The following DNAJC10 variants were observed in gnomAD, a reference collection of about 807,000 sequenced individuals.
DNAJC10 encodes DnaJ heat shock protein family (Hsp40) member C10.
A neutral mutation model predicts 115.0 loss-of-function variants in DNAJC10; 101 were observed. That is an observed-to-expected ratio of 0.88 (90% CI 0.75 to 1.04). The LOEUF is 1.04. Among genes scored for constraint, DNAJC10 ranks in the 50% least tolerant of loss-of-function variants. DNAJC10 has a pLI of 0.00. For missense variants in DNAJC10, 981 were observed against 928.8 expected, an observed-to-expected ratio of 1.06 and a Z score of -0.73; for synonymous variants, 307 against 301.5, an observed-to-expected ratio of 1.02 and a Z score of -0.19.
At chr2:182,748,245 A>T (rs1693921812) in intron 14 of DNAJC10, among the ~76,000 whole-genome samples, 1 of 151,718 alleles carries the variant, frequency 6.6e-6, no homozygotes, top group African/African-American at 2.4e-5. Context: ...CTGGCCTCAT[A>T]AAATGAGTTA....
At chr2:182,756,245 A>C in intron 17 of DNAJC10, 69 bp from the exon 18 acceptor site, 2 of 1,315,452 alleles carry the variant, frequency 1.5e-6, no homozygotes, top group Non-Finnish European at 2.0e-6. Context: ...CTGTACCAAC[A>C]ATTTGCCAGG....
intron 3 of DNAJC10, among the ~76,000 whole-genome samples, chr2:182,719,075 A>AT (rs899463001): frequency 1.5e-4 from 22 of 150,346 alleles, no homozygotes; most frequent in East Asian, 3.9e-4. Flanking sequence ...TAAGGTTTTT[A>AT]TTTTTTTTTA....
At chr2:182,751,947 T>G (rs1694031875) in intron 15 of DNAJC10, 125 bp from the exon 16 acceptor site, 2 of 1,187,528 alleles carry the variant, frequency 1.7e-6, no homozygotes, top group Non-Finnish European at 2.4e-6. Context: ...ATGTAATTAC[T>G]CCTCCAGGGA....
rs951649553 is a variant in DNAJC10, at chr2:182,780,361, C to G, written c.*3229C>G. ...GCTGGTTGTTAAAAGGAACTTGGCA[C>G]CACCACCTCCTCTCTTTCTCGCTCC... On this transcript the variant is annotated 3_prime_UTR_variant, in exon 24 of 24. Transcript: ENST00000264065. 12 of 152,246 alleles carry G rather than the reference C, an allele frequency of 7.9e-5. No homozygotes were observed. The East Asian group carries it at 1.7e-3, about 22-fold the overall frequency. The allele number at this position is 152,246 out of a possible 1,614,324, so 9.4% of individuals were successfully genotyped here.
intron 21 of DNAJC10, among the ~76,000 whole-genome samples, chr2:182,762,188 A>C (rs1339539274): frequency 6.6e-6 from 1 of 151,514 alleles, no homozygotes; most frequent in East Asian, 1.9e-4. Context: ...GAGCGTGAGA[A>C]GCACTATGAC....
chr2:182,724,298 A>G (rs1274410368), intron 5 of DNAJC10, among the ~76,000 whole-genome samples: 7 of 152,178 alleles, frequency 4.6e-5, no homozygotes, highest in Admixed American at 3.9e-4. Context: ...TATCTAGCCA[A>G]TAGTGCAGTT....
In DNAJC10 at chr2:182,794,410, G is replaced by T. The variant is rs1318512236; in HGVS notation, c.*17278G>T. 1.3e-5 allele frequency: 2 copies of T among 152,164 alleles called. No homozygotes were observed. Among genetic ancestry groups the T allele is most frequent in the African/African-American group, 4.8e-5 (2 of 41,422 alleles). The allele number at this position is 152,164 out of a possible 1,614,324, so 9.4% of individuals were successfully genotyped here. ...ATTCTACTGTTTGTCTTTGCAGTGA[G>T]CTATGTTTTTTTATAACATGTAGAA... On this transcript the variant is annotated 3_prime_UTR_variant, in exon 24 of 24. Coordinates refer to ENST00000264065, the MANE Select transcript of DNAJC10 (RefSeq NM_018981.4).
chr2:182,751,966 C>G (rs1479598411), intron 15 of DNAJC10, 106 bp from the exon 16 acceptor site: 1 of 1,204,480 alleles, frequency 8.3e-7, no homozygotes, highest in Non-Finnish European at 1.2e-6. Flanking sequence ...GAAGGTTTGC[C>G]GCTAAGTACA....
At chr2:182,775,005 A>G (rs929384971) in intron 22 of DNAJC10, among the ~76,000 whole-genome samples, 2 of 151,672 alleles carry the variant, frequency 1.3e-5, no homozygotes, top group Admixed American at 6.6e-5. Flanking sequence ...TGCCCTCTCA[A>G]ACTTTATCCA....
At position 182,771,937 on chromosome 2, in the gene DNAJC10, C is replaced by T. The variant is rs1294697704; in HGVS notation, c.2266-3379C>T. Among the ~76,000 whole-genome samples the T allele has an allele frequency of 5.3e-5, 8 of 152,120 alleles. No homozygotes were observed. In the South Asian group the frequency reaches 1.7e-3, roughly 31 times the overall value. On this transcript the variant is annotated intron_variant, in intron 22 of 23. Coordinates refer to ENST00000264065, the MANE Select transcript of DNAJC10 (RefSeq NM_018981.4). ...AGGGTGTCAATTTTAGATCTTTCCT[C>T]ATTTCTCCTGTGGGCATTTAGTGCT...
chr2:182,719,250 C>CTTTTTTTTTTTTT (rs57284693), intron 3 of DNAJC10, among the ~76,000 whole-genome samples: 4 of 83,684 alleles, frequency 4.8e-5, no homozygotes, highest in Middle Eastern at 0.01. Context: ...GGATTGTTTT[C>CTTTTTTTTTTTTT]TTTTTTTTTT....
At chr2:182,771,686 T>A (rs1694567168) in intron 22 of DNAJC10, among the ~76,000 whole-genome samples, 1 of 152,200 alleles carries the variant, frequency 6.6e-6, no homozygotes, top group African/African-American at 2.4e-5. Flanking sequence ...CCCTTTATCA[T>A]TTTTTATTGC....
chr2:182,738,417 G>A (rs1693640251), intron 11 of DNAJC10, among the ~76,000 whole-genome samples: 1 of 152,150 alleles, frequency 6.6e-6, no homozygotes, highest in Admixed American at 6.5e-5. Context: ...TGGGCTTCAT[G>A]ATAGAAAATT....
rs1490972638 is a variant in DNAJC10 at position 182,720,026 on chromosome 2, G to A, written c.224G>A (p.Gly75Asp). 5.8e-6 allele frequency: 9 copies of A among 1,561,416 alleles called. No individual in the cohort carries two copies. The highest frequency in any genetic ancestry group is 1.4e-5 in the African/African-American group (1 of 73,474). Residue 75 changes from glycine (G) to aspartate (D), a missense_variant, in exon 4 of 24, where the codon GGC becomes GAC. Physicochemically the swap from Gly to Asp is moderately conservative, Grantham distance 94 (BLOSUM62 -1). Coordinates refer to ENST00000264065, the MANE Select transcript of DNAJC10 (RefSeq NM_018981.4). ...TAACAGAATAACCCAAATGCACATGGCGATTTTTTAAAAATAAATAGAGCA... is the reference window on the plus strand; with the variant it reads ...TAACAGAATAACCCAAATGCACATGACGATTTTTTAAAAATAAATAGAGCA... ...DKNPNNPNAHGDFLKINRAYE... is the reference protein window; with the variant it reads ...DKNPNNPNAHDDFLKINRAYE...
rs1326584513 is a variant in DNAJC10 at position 182,757,702 on chromosome 2, G to T, written c.1820G>T (p.Gly607Val). Residue 607 changes from glycine to valine, a missense_variant, in exon 19 of 24, where the codon GGA (glycine) becomes GTA (valine). Coordinates refer to ENST00000264065, the MANE Select transcript of DNAJC10 (RefSeq NM_018981.4). The stretch of plus-strand genomic sequence containing the variant: ...TTTTTTCTTTTACAGACATTAACTG[G>T]ACTGATCAACGTGGGCAGTATAGAT... ...EWKRMARTLT[G>V]LINVGSIDCQ... The T allele has an allele frequency of 1.3e-6, 2 of 1,564,608 alleles. No homozygotes were observed. The highest frequency in any genetic ancestry group is 1.7e-6 in the Non-Finnish European group (2 of 1,160,470).
In DNAJC10 at chr2:182,733,475, A is replaced by C. The variant is rs569409618; in HGVS notation, c.849+933A>C. Among the ~76,000 whole-genome samples the C allele has an allele frequency of 3.3e-5, 5 of 151,962 alleles. No individual in the cohort carries two copies. The South Asian group carries it at 1.0e-3, about 31-fold the overall frequency. On this transcript the variant is annotated intron_variant, in intron 10 of 23. Transcript: ENST00000264065. ...CCATGTCCCCCAGACCAATTAAATC[A>C]AAATATTCGAGGGTGAGGACTGAGC...
chr2:182,759,443 A>G (rs1054918740), intron 21 of DNAJC10, 136 bp downstream of exon 21: 12 of 790,634 alleles, frequency 1.5e-5, no homozygotes, highest in East Asian at 5.8e-5. Context: ...TTATATTTCT[A>G]TGACTGTAAT....
Position 182,781,729 on chromosome 2 carries a change from T to G in DNAJC10, c.*4597T>G, listed in dbSNP as rs1278746233. 3.9e-5 allele frequency: 6 copies of G among 152,234 alleles called. No homozygotes were observed. Among genetic ancestry groups the G allele is most frequent in the Non-Finnish European group, 7.3e-5 (5 of 68,040 alleles). 9.4% of individuals were successfully genotyped at this position (152,234 alleles called of 1,614,324 possible). On this transcript the variant is annotated 3_prime_UTR_variant, in exon 24 of 24. Coordinates refer to ENST00000264065, the MANE Select transcript of DNAJC10 (RefSeq NM_018981.4). Reference sequence around the variant, plus strand: ...CTAATGACCACTGATGATGAGCTTTTTTTCATATCTTTGTTGGCCACCTAA... The same window carrying G: ...CTAATGACCACTGATGATGAGCTTTGTTTCATATCTTTGTTGGCCACCTAA...
chr2:182,777,073 C>T, intron 23 of DNAJC10, 48 bp from the exon 24 acceptor site: 1 of 1,248,438 alleles, frequency 8.0e-7, no homozygotes, highest in South Asian at 2.0e-5. Flanking sequence ...TTAACATTAC[C>T]AACTCATACT....
Sources: gnomAD v4.1 joint callset for allele counts (sites outside exome capture counted in the v4.1 genomes callset) on GRCh38, gnomAD v4.1.1 for gene constraint, MANE v1.5 for transcripts, NCBI Gene and HGNC (gene_info 2026-07-23, HGNC 2026-07-21) for gene names.